MYCT1: variants seen among roughly 807,000 people sequenced by gnomAD.
MYCT1 encodes myc target protein 1.
Under a neutral mutation model 15.0 loss-of-function variants are expected in MYCT1, and 12 were observed. The ratio of observed to expected loss-of-function variants is 0.80; its 90% confidence interval spans 0.51 to 1.29. MYCT1 has a LOEUF of 1.29. MYCT1 is among the 50% of genes most tolerant of loss of function. MYCT1 has a pLI of 0.00. For missense variants in MYCT1, 287 were observed against 279.1 expected (o/e 1.03, Z -0.20); for synonymous variants, 104 against 102.7 (o/e 1.01, Z -0.07).
chr6:152,731,552 G>C, the MYCT1 span, among the ~76,000 whole-genome samples: 34 of 152,156 alleles, frequency 2.2e-4, no homozygotes, highest in African/African-American at 7.9e-4. Flanking sequence ...CCTGGTGTGT[G>C]GTGTTCCTCA....
In MYCT1 at chr6:152,697,964, G is replaced by A. The variant is rs754734627; in HGVS notation, c.62G>A (p.Arg21Lys). The change falls in exon 1 of 2, where the codon AGA becomes AAA. Residue 21 changes from arginine to lysine, a missense_variant. Transcript: ENST00000367245. ...TATTTTTCTCTTGCTGTACTACAAAGAGATAGAATCAAACTGCTTTTTTTC... is the reference window on the plus strand; with the variant it reads ...TATTTTTCTCTTGCTGTACTACAAAAAGATAGAATCAAACTGCTTTTTTTC... ...KNYFSLAVLQ[R>K]DRIKLLFFDI... 3.1e-6 allele frequency: 5 copies of A among 1,606,428 alleles called. No homozygotes were observed. In the African/African-American group the frequency reaches 4.0e-5, roughly 13 times the overall value.
chr6:152,721,780 G>T lies in MYCT1; in HGVS notation c.235G>T (p.Gly79Trp). 1 of 1,613,942 alleles carries T rather than the reference G, an allele frequency of 6.2e-7. No homozygotes were observed. The highest frequency in any genetic ancestry group is 8.5e-7 in the Non-Finnish European group (1 of 1,179,972). The part of the protein sequence containing the change: ...IMSFTVSMAI[G>W]LVLGGFIWAV... ...GTCCTTCACTGTATCCATGGCAATC[G>T]GGCTGGTACTTGGAGGATTTATTTG... The change falls in exon 2 of 2, where the codon GGG (glycine) becomes TGG (tryptophan). Residue 79 changes from glycine to tryptophan, a missense_variant. Coordinates refer to ENST00000367245, the MANE Select transcript of MYCT1 (RefSeq NM_025107.3).
chr6:152,727,335 T>C (rs551918283), downstream of MYCT1, among the ~76,000 whole-genome samples: 1 of 152,320 alleles, frequency 6.6e-6, no homozygotes, highest in Non-Finnish European at 1.5e-5. Context: ...GTCCAGGGCC[T>C]CACACACTGT....
chr6:152,737,129 G>A, the MYCT1 span, among the ~76,000 whole-genome samples: 1 of 152,060 alleles, frequency 6.6e-6, no homozygotes, highest in Non-Finnish European at 1.5e-5. Flanking sequence ...CTGGCTTTGA[G>A]CAATGCAATT....
chr6:152,702,927 A>T (rs1456615713), intron 1 of MYCT1, among the ~76,000 whole-genome samples: 1 of 152,188 alleles, frequency 6.6e-6, no homozygotes, highest in Non-Finnish European at 1.5e-5. Context: ...ATGCTCAGAG[A>T]TTATGATTCA....
chr6:152,698,156 C>T (rs1448099126), intron 1 of MYCT1, 58 bp downstream of exon 1: 45 of 980,264 alleles, frequency 4.6e-5, no homozygotes, highest in Non-Finnish European at 5.7e-5. Context: ...AAATGCACTG[C>T]GTGATTATTA....
chr6:152,742,000 A>C, the MYCT1 span, among the ~76,000 whole-genome samples: 1 of 152,230 alleles, frequency 6.6e-6, no homozygotes, highest in Non-Finnish European at 1.5e-5. Flanking sequence ...AAAAGACTTG[A>C]GGTCCAAACC....
downstream of MYCT1, among the ~76,000 whole-genome samples, chr6:152,729,033 G>A (rs949457397): frequency 7.2e-5 from 11 of 152,154 alleles, no homozygotes; most frequent in Middle Eastern, 3.2e-3. Context: ...TTAGGGACAC[G>A]GTGTGATTTG....
At chr6:152,726,257 C>T (rs1002946722), downstream of MYCT1, among the ~76,000 whole-genome samples, 18 of 151,962 alleles carry the variant, frequency 1.2e-4, no homozygotes, top group Admixed American at 6.6e-5. Flanking sequence ...TTAGCCAGGC[C>T]GTGGTGGCAC....
intron 1 of MYCT1, among the ~76,000 whole-genome samples, chr6:152,720,976 A>C (rs2099724595): frequency 6.6e-6 from 1 of 152,238 alleles, no homozygotes; most frequent in African/African-American, 2.4e-5. Context: ...GGAAATCTGA[A>C]CAAATTACAA....
the MYCT1 span, among the ~76,000 whole-genome samples, chr6:152,743,562 A>G: frequency 2.6e-5 from 4 of 152,134 alleles, no homozygotes; most frequent in African/African-American, 9.7e-5. Flanking sequence ...ACATTGCTCA[A>G]CCGTCCCGGT....
At chr6:152,721,039 G>A (rs560190357) in intron 1 of MYCT1, among the ~76,000 whole-genome samples, 8 of 152,298 alleles carry the variant, frequency 5.3e-5, no homozygotes, top group African/African-American at 1.9e-4. Flanking sequence ...TGGAGGTTCA[G>A]GTGACAGGAA....
At chr6:152,713,255 T>C (rs1357823726) in intron 1 of MYCT1, among the ~76,000 whole-genome samples, 1 of 152,128 alleles carries the variant, frequency 6.6e-6, no homozygotes, top group East Asian at 1.9e-4. Context: ...TTATTTCTTA[T>C]AGTTTCTATT....
At position 152,722,761 on chromosome 6, in the gene MYCT1, AG is replaced by A. The variant is rs986073296; in HGVS notation, c.*511del. On this transcript the variant is annotated 3_prime_UTR_variant, in exon 2 of 2. Coordinates refer to ENST00000367245, the MANE Select transcript of MYCT1 (RefSeq NM_025107.3). The stretch of plus-strand genomic sequence containing the variant: ...TTTTTCTTTTTTTTTCTTTTGAGAC[AG>A]GGTCTTGATCCGTCGCCCAGGCGGG... 2 of 411,728 alleles carry A rather than the reference AG, an allele frequency of 4.9e-6. No individual in the cohort carries two copies. Among genetic ancestry groups the A allele is most frequent in the Non-Finnish European group, 9.6e-6 (2 of 207,670 alleles). 25.5% of individuals were successfully genotyped at this position (411,728 alleles called of 1,614,324 possible).
At chr6:152,702,680 A>G (rs1010647865) in intron 1 of MYCT1, among the ~76,000 whole-genome samples, 3 of 152,232 alleles carry the variant, frequency 2.0e-5, no homozygotes, top group African/African-American at 7.2e-5. Context: ...GCCTGGGCAT[A>G]TGTCCCAAGA....
chr6:152,735,054 AG>A, the MYCT1 span, among the ~76,000 whole-genome samples: 1 of 152,244 alleles, frequency 6.6e-6, no homozygotes, highest in Non-Finnish European at 1.5e-5. Flanking sequence ...GTTTCTAAAA[AG>A]GAAATTTATC....
the MYCT1 span, among the ~76,000 whole-genome samples, chr6:152,739,344 AT>A: frequency 2.4e-4 from 36 of 149,884 alleles, no homozygotes; most frequent in East Asian, 1.8e-3. Context: ...ATATTTTTGT[AT>A]TTTTTTTTGC....
chr6:152,743,150 G>T, the MYCT1 span, among the ~76,000 whole-genome samples: 1 of 152,090 alleles, frequency 6.6e-6, no homozygotes, highest in African/African-American at 2.4e-5. Context: ...CTGCCTCCTA[G>T]GTTTAAGCAA....
the MYCT1 span, among the ~76,000 whole-genome samples, chr6:152,735,967 A>T: frequency 6.6e-6 from 1 of 152,066 alleles, no homozygotes; most frequent in African/African-American, 2.4e-5. Flanking sequence ...GTTATATGAT[A>T]TTTATAAAAG....
Sources: gnomAD v4.1 joint callset for allele counts (sites outside exome capture counted in the v4.1 genomes callset) on GRCh38, gnomAD v4.1.1 for gene constraint, MANE v1.5 for transcripts, NCBI Gene and HGNC (gene_info 2026-07-23, HGNC 2026-07-21) for gene names.